The following FRMD4B variants were observed in gnomAD, a reference collection of about 807,000 sequenced individuals.
FRMD4B encodes the protein FERM domain containing 4B.
Under a neutral mutation model 141.5 loss-of-function variants are expected in FRMD4B, and 74 were observed. The ratio of observed to expected loss-of-function variants is 0.52; its 90% CI spans 0.43 to 0.63. The LOEUF is 0.63. Ranked by LOEUF, FRMD4B falls within the 30% of genes least tolerant of loss-of-function variation. The probability of loss-of-function intolerance (pLI) is 0.00; values close to 1 mark genes in which losing one functional copy is unlikely to be tolerated. For missense variants in FRMD4B, 1,366 were observed against 1,253.4 expected (o/e 1.09, Z -1.36); for synonymous variants, 506 against 467.9 (o/e 1.08, Z -1.05).
intron 1 of FRMD4B, chr3:69,536,215 C>T: frequency 1.7e-6 from 1 of 595,770 alleles, no homozygotes; most frequent in South Asian, 1.8e-5. Context: ...CCTCCTTGGC[C>T]TCACTTGGTT....
intron 1 of FRMD4B, among the ~76,000 whole-genome samples, chr3:69,530,553 CCT>C (rs1700996808): frequency 6.6e-6 from 1 of 151,928 alleles, no homozygotes; most frequent in Non-Finnish European, 1.5e-5. Context: ...TCAAATAAAA[CCT>C]CTTTTTTTTT....
intron 3 of FRMD4B, among the ~76,000 whole-genome samples, chr3:69,307,936 C>G (rs1310764857): frequency 6.6e-6 from 1 of 152,226 alleles, no homozygotes; most frequent in Admixed American, 6.5e-5. Flanking sequence ...CGTCTTCACC[C>G]TTGGGCAAAT....
chr3:69,207,320 A>AAG (rs1553701278), intron 11 of FRMD4B, among the ~76,000 whole-genome samples: 60 of 150,648 alleles, frequency 4.0e-4, no homozygotes, highest in African/African-American at 1.3e-3. Flanking sequence ...AAAAAAAAAA[A>AAG]AAAGAAAGAA....
chr3:69,244,418 A>G (rs1257538645), intron 7 of FRMD4B, among the ~76,000 whole-genome samples: 1 of 152,182 alleles, frequency 6.6e-6, no homozygotes, highest in Non-Finnish European at 1.5e-5. Context: ...TTTTTACTGA[A>G]AAAGCCACTT....
chr3:69,526,825 G>A (rs1471478465), intron 1 of FRMD4B, among the ~76,000 whole-genome samples: 1 of 152,094 alleles, frequency 6.6e-6, no homozygotes, highest in Non-Finnish European at 1.5e-5. Flanking sequence ...ACTTGCACAA[G>A]GTTAAAAAGG....
chr3:69,360,003 A>C (rs1052464032), intron 1 of FRMD4B, among the ~76,000 whole-genome samples: 6 of 152,300 alleles, frequency 3.9e-5, no homozygotes, highest in African/African-American at 1.4e-4. Flanking sequence ...CCATTTGGCC[A>C]TTGTAGACAA....
intron 5 of FRMD4B, among the ~76,000 whole-genome samples, chr3:69,263,979 C>G (rs1034613343): frequency 1.3e-5 from 2 of 151,662 alleles, no homozygotes; most frequent in African/African-American, 2.4e-5. Flanking sequence ...GCACACACCC[C>G]CAAGCCCTGC....
chr3:69,530,595 C>T (rs1700997523), intron 1 of FRMD4B, among the ~76,000 whole-genome samples: 1 of 151,862 alleles, frequency 6.6e-6, no homozygotes, highest in South Asian at 2.1e-4. Flanking sequence ...CTCAGGTATA[C>T]CTTTATAGCA....
At chr3:69,198,212 CTT>C (rs59627470) in intron 12 of FRMD4B, 115,394 of 146,238 alleles carry the variant, frequency 0.79, 48,491 homozygotes, top group Non-Finnish European at 0.94. Flanking sequence ...GGTAATTTGG[CTT>C]TTTTTTTTTT....
At chr3:69,228,275 A>G (rs184490979) in intron 7 of FRMD4B, 9 of 456,052 alleles carry the variant, frequency 2.0e-5, no homozygotes, top group Admixed American at 1.4e-4. Context: ...TCTACAAAGC[A>G]TATCTTTTAG....
In FRMD4B at chr3:69,427,643, G is replaced by GTTTTTTTTTTTTTTTTTTTTTTT. The variant is rs774316609; in HGVS notation, c.-1+4968_-1+4990dup. Among the ~76,000 whole-genome samples the GTTTTTTTTTTTTTTTTTTTTTTT allele has an allele frequency of 1.9e-4, 7 of 36,240 alleles. 1 individual carries two copies. The highest frequency in any genetic ancestry group is 2.6e-4 in the Non-Finnish European group (5 of 19,578). 23.8% of individuals were successfully genotyped at this position (36,240 alleles called of 152,430 possible). On this transcript the variant is annotated intron_variant, in intron 2 of 5. Coordinates refer to the FRMD4B transcript ENST00000459638. The stretch of plus-strand genomic sequence containing the variant: ...GTGTTTAGTAAGAAGCTAGGTAAAT[G>GTTTTTTTTTTTTTTTTTTTTTTT]TTTTTTTTTTTTTTTTTTTTTTTTT...
At chr3:69,430,286 T>A (rs959412146) in intron 2 of FRMD4B, among the ~76,000 whole-genome samples, 2 of 152,040 alleles carry the variant, frequency 1.3e-5, no homozygotes, top group African/African-American at 4.8e-5. Flanking sequence ...ATCCAGCACC[T>A]CAAGGGTAAA....
chr3:69,337,504 T>C (rs1702596336), intron 1 of FRMD4B, among the ~76,000 whole-genome samples: 1 of 152,098 alleles, frequency 6.6e-6, no homozygotes, highest in Non-Finnish European at 1.5e-5. Context: ...GAAACTACCA[T>C]CAGAGTGAAC....
intron 11 of FRMD4B, among the ~76,000 whole-genome samples, chr3:69,199,975 G>C (rs181463516): frequency 1.5e-5 from 1 of 66,584 alleles, no homozygotes; most frequent in Admixed American, 2.1e-4. Context: ...GACTTGATTA[G>C]GGAAATAACA....
chr3:69,257,644 A>G (rs923117729), intron 5 of FRMD4B, among the ~76,000 whole-genome samples: 1 of 151,892 alleles, frequency 6.6e-6, no homozygotes, highest in African/African-American at 2.4e-5. Flanking sequence ...CACTTACTAT[A>G]TTTTAATATG....
chr3:69,207,538 C>T (rs978388572), intron 11 of FRMD4B, among the ~76,000 whole-genome samples: 11 of 151,562 alleles, frequency 7.3e-5, no homozygotes, highest in African/African-American at 2.4e-4. Flanking sequence ...AGTCAGGCAC[C>T]GTGGCTCATG....
chr3:69,249,906 A>G, intron 6 of FRMD4B, 137 bp downstream of exon 6: 1 of 678,428 alleles, frequency 1.5e-6, no homozygotes, highest in Non-Finnish European at 2.7e-6. Flanking sequence ...GGTGGCGCAC[A>G]TTTTTCATCG....
intron 2 of FRMD4B, among the ~76,000 whole-genome samples, chr3:69,431,278 G>C (rs1303548920): frequency 6.6e-6 from 1 of 152,198 alleles, no homozygotes; most frequent in Admixed American, 6.5e-5. Context: ...TAAGGTGCTT[G>C]AATCAAGGAG....
rs183101835 is a variant in FRMD4B, at chr3:69,180,767, G to A, written c.2851+132C>T. 3.5e-3 allele frequency: 2,211 copies of A among 631,020 alleles called. 11 individuals carry two copies. The highest frequency in any genetic ancestry group is 0.013 in the Middle Eastern group (32 of 2,382). The allele number at this position is 631,020 out of a possible 1,614,324, so 39.1% of individuals were successfully genotyped here. Reference sequence around the variant, plus strand: ...TTTTTAAGTTGGAAATTCTTATTGTGGGGTTCCACCGAATGGTTGCCCCAC... The same window carrying A: ...TTTTTAAGTTGGAAATTCTTATTGTAGGGTTCCACCGAATGGTTGCCCCAC... On this transcript the variant is annotated intron_variant, in intron 21 of 22. Coordinates refer to ENST00000398540, the MANE Select transcript of FRMD4B (RefSeq NM_015123.3).
Sources: gnomAD v4.1 joint callset for allele counts (sites outside exome capture counted in the v4.1 genomes callset) on GRCh38, gnomAD v4.1.1 for gene constraint, MANE v1.5 for transcripts, NCBI Gene and HGNC (gene_info 2026-07-23, HGNC 2026-07-21) for gene names.